The following GID8 variants were observed in gnomAD, a reference collection of about 807,000 sequenced individuals.
GID8 encodes the protein GID complex subunit 8 homolog, also known as glucose-induced degradation protein 8 homolog.
In GID8, 6 loss-of-function variants were observed where a neutral mutation model predicts 27.4. That is an observed-to-expected ratio of 0.22 (90% CI 0.12 to 0.43). GID8 has a LOEUF of 0.43. Among genes scored for constraint, GID8 ranks in the 20% least tolerant of loss-of-function variants. The pLI, the probability that GID8 is intolerant of heterozygous loss-of-function variation, is 1.00. For synonymous variants in GID8, 112 were observed against 109.0 expected, an observed-to-expected ratio of 1.03 and a Z score of -0.17; for missense variants, 173 against 287.6, an observed-to-expected ratio of 0.60 and a Z score of 2.88.
rs2065465152 is a variant in GID8, at chr20:62,946,050, T to G, written c.*1138T>G. On this transcript the variant is annotated 3_prime_UTR_variant, in exon 5 of 5. Coordinates refer to ENST00000266069, the MANE Select transcript of GID8 (RefSeq NM_017896.3). ...CGGGACAGTTGATGGGCACATGGCC[T>G]TGTAGCTCTGGGCACAGATGTGTTT... 1 of 1,283,468 alleles carries G rather than the reference T, an allele frequency of 7.8e-7. No homozygotes were observed. The highest frequency in any genetic ancestry group is 2.3e-5 in the Admixed American group (1 of 43,502). 79.5% of individuals were successfully genotyped at this position (1,283,468 alleles called of 1,614,324 possible).
intron 1 of GID8, among the ~76,000 whole-genome samples, chr20:62,939,655 G>T (rs914251159): frequency 5.3e-5 from 8 of 151,858 alleles, no homozygotes; most frequent in African/African-American, 1.9e-4. Context: ...CTTTTGTCCG[G>T]TAATCTGTCT....
Position 62,945,956 on chromosome 20 carries a change from C to T in GID8, c.*1044C>T, listed in dbSNP as rs781504694. 4.7e-6 allele frequency: 6 copies of T among 1,289,358 alleles called. No homozygotes were observed. The highest frequency in any genetic ancestry group is 6.1e-6 in the Non-Finnish European group (6 of 988,878). 79.9% of individuals were successfully genotyped at this position (1,289,358 alleles called of 1,614,324 possible). ...CCGATGTCCTGCTTCTGTTCACTCA[C>T]AGAACTGTCCCCTGCTCCGTGGTGG... is the stretch of plus-strand genomic sequence containing the variant. On this transcript the variant is annotated 3_prime_UTR_variant, in exon 5 of 5. Transcript: ENST00000266069.
chr20:62,946,634 A>G lies in GID8; in HGVS notation c.*1722A>G, dbSNP rs2065467746. On this transcript the variant is annotated 3_prime_UTR_variant, in exon 5 of 5. Coordinates refer to ENST00000266069, the MANE Select transcript of GID8 (RefSeq NM_017896.3). Reference sequence around the variant, plus strand: ...TGGTTGCCCTTTAGATTTTGTAAGGATGCGGTGCTGGGGAGGTGGTGCTTC... The same window carrying G: ...TGGTTGCCCTTTAGATTTTGTAAGGGTGCGGTGCTGGGGAGGTGGTGCTTC... The G allele has an allele frequency of 6.6e-6, 1 of 152,388 alleles. No individual in the cohort carries two copies. The highest frequency in any genetic ancestry group is 2.4e-5 in the African/African-American group (1 of 41,436). The allele number at this position is 152,388 out of a possible 1,614,324, so 9.4% of individuals were successfully genotyped here. A position where few individuals can be genotyped will look rare whatever the true frequency, so the allele number is the denominator to read the frequency against.
Position 62,943,220 on chromosome 20 carries a change from C to A in GID8, c.315+37C>A. On this transcript the variant is annotated intron_variant, in intron 3 of 4. Coordinates refer to ENST00000266069, the MANE Select transcript of GID8 (RefSeq NM_017896.3). The surrounding 1 kb of genome is among the most constrained non-coding windows in gnomAD (Gnocchi z 4.7). Reference sequence around the variant, plus strand: ...GAGAGAGTAGTCTGGTTTGTGAATACTTGATAAGTTAAAGTTATTTGCAAT... The same window carrying A: ...GAGAGAGTAGTCTGGTTTGTGAATAATTGATAAGTTAAAGTTATTTGCAAT... 6.9e-7 allele frequency: 1 copy of A among 1,446,640 alleles called. No homozygotes were observed. The highest frequency in any genetic ancestry group is 9.6e-7 in the Non-Finnish European group (1 of 1,042,986). 89.6% of individuals were successfully genotyped at this position (1,446,640 alleles called of 1,614,324 possible). A position where few individuals can be genotyped will look rare whatever the true frequency, so the allele number is the denominator to read the frequency against.
Position 62,945,738 on chromosome 20 carries a change from G to C in GID8, c.*826G>C. 30 of 1,213,988 alleles carry C rather than the reference G, an allele frequency of 2.5e-5. No homozygotes were observed. The highest frequency in any genetic ancestry group is 3.2e-5 in the Non-Finnish European group (30 of 947,654). The allele number at this position is 1,213,988 out of a possible 1,614,324, so 75.2% of individuals were successfully genotyped here. ...GCGGCAGTGGCTTTTTCTGGTACCT[G>C]CAGCTGGAAAGGCCACTTGGCCCTG... On this transcript the variant is annotated 3_prime_UTR_variant, in exon 5 of 5. Coordinates refer to ENST00000266069, the MANE Select transcript of GID8 (RefSeq NM_017896.3).
intron 4 of GID8, among the ~76,000 whole-genome samples, chr20:62,944,350 C>A (rs2147633206): frequency 6.6e-6 from 1 of 152,282 alleles, no homozygotes; most frequent in South Asian, 2.1e-4. Flanking sequence ...CTTCCCAGAC[C>A]CAGGTCCCTC....
In GID8 at chr20:62,943,226, A is replaced by G; in HGVS notation, c.315+43A>G. ...GTAGTCTGGTTTGTGAATACTTGATAAGTTAAAGTTATTTGCAATGATTGA... is the reference window on the plus strand; with the variant it reads ...GTAGTCTGGTTTGTGAATACTTGATGAGTTAAAGTTATTTGCAATGATTGA... On this transcript the variant is annotated intron_variant, in intron 3 of 4. Transcript: ENST00000266069. The surrounding 1 kb of genome is among the most constrained non-coding windows in gnomAD (Gnocchi z 4.7). 2 of 1,394,582 alleles carry G rather than the reference A, an allele frequency of 1.4e-6. No individual in the cohort carries two copies. The highest frequency in any genetic ancestry group is 2.0e-6 in the Non-Finnish European group (2 of 1,001,992). The allele number at this position is 1,394,582 out of a possible 1,614,324, so 86.4% of individuals were successfully genotyped here. A position where few individuals can be genotyped will look rare whatever the true frequency, so the allele number is the denominator to read the frequency against.
intron 1 of GID8, among the ~76,000 whole-genome samples, chr20:62,939,320 G>A (rs1367826203): frequency 6.6e-6 from 1 of 151,652 alleles, no homozygotes; most frequent in Non-Finnish European, 1.5e-5. Flanking sequence ...TACCTTCAAG[G>A]TTGGCATCCT....
Position 62,945,861 on chromosome 20 carries a change from G to A in GID8, c.*949G>A, listed in dbSNP as rs1454204549. 10 of 1,289,674 alleles carry A rather than the reference G, an allele frequency of 7.8e-6. No individual in the cohort carries two copies. The highest frequency in any genetic ancestry group is 4.9e-5 in the South Asian group (4 of 81,040). 79.9% of individuals were successfully genotyped at this position (1,289,674 alleles called of 1,614,324 possible). On this transcript the variant is annotated 3_prime_UTR_variant, in exon 5 of 5. Coordinates refer to ENST00000266069, the MANE Select transcript of GID8 (RefSeq NM_017896.3). ...GCACGACTGTTGGCGGAAGGAACGC[G>A]TGTTCATCCTCAGTGATCTGCCCTC...
In GID8 at chr20:62,944,920, G is replaced by A. The variant is rs780395081; in HGVS notation, c.*8G>A. ...ATTGAGGAGCCCAAGTAGCGCCTGC[G>A]CTTGCGTGGTGGATCCAACACCAGC... On this transcript the variant is annotated 3_prime_UTR_variant, in exon 5 of 5. Coordinates refer to ENST00000266069, the MANE Select transcript of GID8 (RefSeq NM_017896.3). 3.1e-6 allele frequency: 5 copies of A among 1,605,798 alleles called. No individual in the cohort carries two copies. Among genetic ancestry groups the A allele is most frequent in the South Asian group, 2.2e-5 (2 of 90,030 alleles).
At chr20:62,942,554 C>CT (rs1568902931) in intron 2 of GID8, among the ~76,000 whole-genome samples, 3 of 152,192 alleles carry the variant, frequency 2.0e-5, no homozygotes, top group African/African-American at 4.8e-5. Context: ...TGTAGACACT[C>CT]TTAAGAGGTG....
rs2065470044 is a variant in GID8 at position 62,947,160 on chromosome 20, GCT to G, written c.*2252_*2253del. 6.6e-6 allele frequency: 1 copy of G among 152,014 alleles called. No homozygotes were observed. The highest frequency in any genetic ancestry group is 2.4e-5 in the African/African-American group (1 of 41,346). The allele number at this position is 152,014 out of a possible 1,614,324, so 9.4% of individuals were successfully genotyped here. On this transcript the variant is annotated 3_prime_UTR_variant, in exon 5 of 5. Coordinates refer to ENST00000266069, the MANE Select transcript of GID8 (RefSeq NM_017896.3). Reference sequence around the variant, plus strand: ...AGACTGGGAAGTCTCCAGCGTTACTGCTCTCCTTCCCTTCATGATAAGCCAGT... The same window carrying G: ...AGACTGGGAAGTCTCCAGCGTTACTGCTCCTTCCCTTCATGATAAGCCAGT...
chr20:62,942,191 T>C (rs1351196691), intron 2 of GID8, among the ~76,000 whole-genome samples: 1 of 152,172 alleles, frequency 6.6e-6, no homozygotes, highest in Non-Finnish European at 1.5e-5. Flanking sequence ...TGGTGGCTCA[T>C]GCTTATAGTC....
chr20:62,941,728 G>A, intron 2 of GID8, 108 bp downstream of exon 2: 1 of 733,566 alleles, frequency 1.4e-6, no homozygotes, highest in Non-Finnish European at 2.5e-6. Context: ...TTTGTGTTCA[G>A]ACATTATGAA....
chr20:62,943,400 C>A lies in GID8; in HGVS notation c.316-95C>A. 8.3e-7 allele frequency: 1 copy of A among 1,202,630 alleles called. No individual in the cohort carries two copies. Among genetic ancestry groups the A allele is most frequent in the East Asian group, 2.3e-5 (1 of 42,566 alleles). The allele number at this position is 1,202,630 out of a possible 1,614,324, so 74.5% of individuals were successfully genotyped here. A position where few individuals can be genotyped will look rare whatever the true frequency, so the allele number is the denominator to read the frequency against. On this transcript the variant is annotated intron_variant, in intron 3 of 4. Coordinates refer to ENST00000266069, the MANE Select transcript of GID8 (RefSeq NM_017896.3). This position sits in a 1 kb window ranked among gnomAD's most constrained non-coding sequence, Gnocchi z 4.7. ...CTCAGAGATGCAAGAAAAGTCTTCC[C>A]TCTGTGATGTACTTTTGATTGGGAC...
chr20:62,938,989 G>A (rs941194501), intron 1 of GID8, among the ~76,000 whole-genome samples: 7 of 152,052 alleles, frequency 4.6e-5, no homozygotes, highest in Admixed American at 6.5e-5. Context: ...AGAGTGGTGC[G>A]CTCCTGTTGT....
At chr20:62,940,038 C>T (rs2065434207) in intron 1 of GID8, among the ~76,000 whole-genome samples, 1 of 151,936 alleles carries the variant, frequency 6.6e-6, no homozygotes, top group Non-Finnish European at 1.5e-5. Flanking sequence ...AGCTTTCATG[C>T]CCTTATTTAA....
intron 2 of GID8, among the ~76,000 whole-genome samples, chr20:62,942,559 G>A (rs2065448206): frequency 6.6e-6 from 1 of 152,266 alleles, no homozygotes; most frequent in Non-Finnish European, 1.5e-5. Context: ...ACACTCTTAA[G>A]AGGTGGGAGT....
At chr20:62,942,451 C>A (rs1197380138) in intron 2 of GID8, among the ~76,000 whole-genome samples, 3 of 151,632 alleles carry the variant, frequency 2.0e-5, no homozygotes, top group Non-Finnish European at 4.4e-5. Flanking sequence ...GACCCCATCT[C>A]AAAAAAAATA....
Sources: allele counts gnomAD v4.1 joint callset (sites outside exome capture counted in the v4.1 genomes callset), GRCh38; gene constraint gnomAD v4.1.1; non-coding constraint Gnocchi (gnomAD v3.1); transcripts MANE v1.5; gene names NCBI Gene and HGNC (gene_info 2026-07-23, HGNC 2026-07-21).